ARRB1: variants seen among roughly 807,000 people sequenced by gnomAD.
ARRB1 encodes beta-arrestin-1.
A neutral mutation model predicts 56.8 loss-of-function variants in ARRB1; 21 were observed. The ratio of observed to expected loss-of-function variants is 0.37; its 90% CI spans 0.26 to 0.53. The LOEUF (loss-of-function observed/expected upper bound fraction) is 0.53, where lower values mean the gene tolerates loss of function less well. Among genes scored for constraint, ARRB1 ranks in the 20% least tolerant of loss-of-function variants. ARRB1 has a pLI of 0.88. For missense variants in ARRB1, 424 were observed against 553.7 expected, an observed-to-expected ratio of 0.77 and a Z score of 2.35; for synonymous variants, 210 against 218.6, an observed-to-expected ratio of 0.96 and a Z score of 0.35.
At chr11:75,330,388 C>T (rs1366690650) in intron 1 of ARRB1, among the ~76,000 whole-genome samples, 1 of 152,020 alleles carries the variant, frequency 6.6e-6, no homozygotes, top group Admixed American at 6.6e-5. Context: ...CCCCACACCA[C>T]CCTGATCCTC....
At position 75,315,329 on chromosome 11, in the gene ARRB1, C is replaced by T. The variant is rs139451241; in HGVS notation, c.21-25290G>A. Among the ~76,000 whole-genome samples, 338 of 152,174 alleles carry T rather than the reference C, an allele frequency of 2.2e-3. 5 individuals are homozygous for T. The highest frequency in any genetic ancestry group is 0.018 in the Admixed American group (271 of 15,276). ...GAAGCCACCTAACTTGCCCATTGAC[C>T]CCCACACCCACATGGGCTACATGGA... is the stretch of plus-strand genomic sequence containing the variant. On this transcript the variant is annotated intron_variant, in intron 1 of 15. Transcript: ENST00000420843.
intron 3 of ARRB1, among the ~76,000 whole-genome samples, 185 bp from the exon 4 acceptor site, chr11:75,284,464 C>T (rs749497312): frequency 1.3e-5 from 2 of 152,192 alleles, no homozygotes; most frequent in Admixed American, 6.5e-5. Context: ...CTTCCCCCAT[C>T]CCAGGCCAGT....
intron 1 of ARRB1, among the ~76,000 whole-genome samples, chr11:75,290,959 T>A (rs1454125571): frequency 1.3e-5 from 2 of 152,196 alleles, no homozygotes; most frequent in Non-Finnish European, 2.9e-5. Flanking sequence ...ATGTGTCTAC[T>A]CTGCTAATAT....
At chr11:75,328,397 T>C (rs1433943352) in intron 1 of ARRB1, among the ~76,000 whole-genome samples, 1 of 152,228 alleles carries the variant, frequency 6.6e-6, no homozygotes, top group African/African-American at 2.4e-5. Flanking sequence ...TTGTGAATAG[T>C]CAGTTGCTGC....
chr11:75,339,985 G>C (rs755040912), intron 1 of ARRB1, among the ~76,000 whole-genome samples: 2 of 152,190 alleles, frequency 1.3e-5, no homozygotes, highest in Non-Finnish European at 2.9e-5. Context: ...TTCGGAGAAA[G>C]GGCAGCCTCA....
chr11:75,296,407 C>T (rs1011303177), intron 1 of ARRB1, among the ~76,000 whole-genome samples: 2 of 152,042 alleles, frequency 1.3e-5, no homozygotes, highest in East Asian at 1.9e-4. Flanking sequence ...AAGGTGGTGC[C>T]GCCAGGAAGA....
chr11:75,277,577 G>T (rs748342258), intron 8 of ARRB1, 129 bp from the exon 9 acceptor site: 79 of 774,902 alleles, frequency 1.0e-4, no homozygotes, highest in Admixed American at 1.5e-4. Flanking sequence ...AGAAGGGTCT[G>T]CTGCTCCCAT....
intron 1 of ARRB1, among the ~76,000 whole-genome samples, chr11:75,331,666 C>T (rs1255641203): frequency 2.0e-5 from 3 of 149,226 alleles, no homozygotes; most frequent in African/African-American, 4.9e-5. Flanking sequence ...TCTTATAAAA[C>T]GGCCCCACCC....
chr11:75,290,906 A>G (rs1216746642), intron 1 of ARRB1, among the ~76,000 whole-genome samples: 1 of 152,078 alleles, frequency 6.6e-6, no homozygotes, highest in Non-Finnish European at 1.5e-5. Flanking sequence ...CGCCCAACCA[A>G]CACTTACCAC....
In ARRB1 at chr11:75,323,258, T is replaced by C. The variant is rs538512280; in HGVS notation, c.20+28330A>G. 3.8e-4 allele frequency among the ~76,000 whole-genome samples: 58 copies of C among 152,240 alleles called. 1 individual carries two copies. The highest frequency in any genetic ancestry group is 3.3e-3 in the Admixed American group (50 of 15,288). ...CCATAACAAAATGAATGTTGTTGTT[T>C]TGAGCCACTAAGTTTTTGGGTGATT... On this transcript the variant is annotated intron_variant, in intron 1 of 15. Coordinates refer to ENST00000420843, the MANE Select transcript of ARRB1 (RefSeq NM_004041.5).
At position 75,325,000 on chromosome 11, in the gene ARRB1, G is replaced by A. The variant is rs77815997; in HGVS notation, c.20+26588C>T. Among the ~76,000 whole-genome samples, 569 of 152,256 alleles carry A rather than the reference G, an allele frequency of 3.7e-3. 6 individuals carry two copies. The highest frequency in any genetic ancestry group is 0.013 in the African/African-American group (522 of 41,534). ...GGTGTCAGAGACTCAGGCAGGGCTG[G>A]GCGGGAGGGCCTTGGGGTAGAGACC... On this transcript the variant is annotated intron_variant, in intron 1 of 15. Coordinates refer to ENST00000420843, the MANE Select transcript of ARRB1 (RefSeq NM_004041.5).
At chr11:75,307,094 C>G (rs1947050785) in intron 1 of ARRB1, among the ~76,000 whole-genome samples, 1 of 152,152 alleles carries the variant, frequency 6.6e-6, no homozygotes, top group African/African-American at 2.4e-5. Context: ...CCCTCACTTG[C>G]TGCAGAGGGC....
chr11:75,311,976 G>T, intron 1 of ARRB1: 1 of 1,222,448 alleles, frequency 8.2e-7, no homozygotes, highest in Non-Finnish European at 1.1e-6. Context: ...GGCCTGGGCC[G>T]AGGGGCTGGG....
intron 1 of ARRB1, among the ~76,000 whole-genome samples, chr11:75,297,761 A>G (rs1405573004): frequency 1.4e-5 from 2 of 143,096 alleles, no homozygotes; most frequent in Non-Finnish European, 3.0e-5. Context: ...GCTACTTGGG[A>G]GGCTGAGGCA....
chr11:75,344,304 A>G lies in ARRB1; in HGVS notation c.20+7284T>C, dbSNP rs183262789. Among the ~76,000 whole-genome samples the G allele has an allele frequency of 7.2e-5, 11 of 152,302 alleles. No homozygotes were observed. The East Asian group carries it at 1.5e-3, about 21-fold the overall frequency. On this transcript the variant is annotated intron_variant, in intron 1 of 15. Coordinates refer to ENST00000420843, the MANE Select transcript of ARRB1 (RefSeq NM_004041.5). ...CCCACTGGCCTGTAGCAGAGGCCTG[A>G]GACTTTGGCCGCCCAGAAGAAAGGT...
At chr11:75,282,141 T>C (rs902536788) in intron 5 of ARRB1, 120 bp from the exon 6 acceptor site, 4 of 958,244 alleles carry the variant, frequency 4.2e-6, no homozygotes, top group Non-Finnish European at 6.4e-6. Flanking sequence ...ACAGGCCATG[T>C]CTATCCCATC....
At chr11:75,283,561 G>A (rs928001055) in intron 4 of ARRB1, 78 bp from the exon 5 acceptor site, 13 of 1,407,306 alleles carry the variant, frequency 9.2e-6, no homozygotes, top group Non-Finnish European at 1.2e-5. Flanking sequence ...CAGCAGCCCT[G>A]GGACGGGCCC....
At chr11:75,269,231 G>A in intron 13 of ARRB1, 2 of 681,312 alleles carry the variant, frequency 2.9e-6, no homozygotes, top group Non-Finnish European at 5.4e-6. Context: ...AGAGGCCCAG[G>A]GGTGGGAAAG....
At chr11:75,283,195 A>C in intron 5 of ARRB1, 92 bp downstream of exon 5, 1 of 1,332,600 alleles carries the variant, frequency 7.5e-7, no homozygotes, top group Non-Finnish European at 1.0e-6. Flanking sequence ...GGCAGGGAGC[A>C]GCTGACCCTC....
Sources: allele counts gnomAD v4.1 joint callset (sites outside exome capture counted in the v4.1 genomes callset), GRCh38; gene constraint gnomAD v4.1.1; transcripts MANE v1.5; gene names NCBI Gene and HGNC (gene_info 2026-07-23, HGNC 2026-07-21).